The following MCTP2 variants were observed in gnomAD, a reference collection of about 807,000 sequenced individuals.
MCTP2 encodes multiple C2 and transmembrane domain-containing protein 2.
A neutral mutation model predicts 111.6 loss-of-function variants in MCTP2; 132 were observed. The ratio of observed to expected loss-of-function variants is 1.18; its 90% confidence interval spans 1.03 to 1.37. MCTP2 has a LOEUF of 1.37. MCTP2 is among the 40% of genes most tolerant of loss of function. MCTP2 has a pLI of 0.00. For missense variants in MCTP2, 1,183 were observed against 1,067.9 expected, an observed-to-expected ratio of 1.11 and a Z score of -1.50; for synonymous variants, 395 against 387.7, an observed-to-expected ratio of 1.02 and a Z score of -0.22.
At chr15:94,352,802 C>T (rs889497735) in intron 8 of MCTP2, among the ~76,000 whole-genome samples, 8 of 152,164 alleles carry the variant, frequency 5.3e-5, no homozygotes, top group Admixed American at 4.6e-4. Context: ...AAGACTTTTG[C>T]GAGCCCAGCT....
chr15:94,276,078 T>TCA (rs2074190129), intron 1 of MCTP2, among the ~76,000 whole-genome samples: 1 of 152,012 alleles, frequency 6.6e-6, no homozygotes, highest in Non-Finnish European at 1.5e-5. Context: ...TCTCCTGACC[T>TCA]TGTGATCCGC....
chr15:94,403,328 C>T, intron 17 of MCTP2: 1 of 844,732 alleles, frequency 1.2e-6, no homozygotes, highest in Non-Finnish European at 1.4e-6. Context: ...CAGCTGGTGG[C>T]TTCATGCGTT....
At chr15:94,271,945 A>G (rs904863335) in intron 1 of MCTP2, among the ~76,000 whole-genome samples, 9 of 152,240 alleles carry the variant, frequency 5.9e-5, no homozygotes, top group African/African-American at 2.2e-4. Context: ...TGTACTGGAA[A>G]TTAATACCTT....
chr15:94,291,917 G>A (rs990490455), intron 1 of MCTP2, among the ~76,000 whole-genome samples: 1 of 152,124 alleles, frequency 6.6e-6, no homozygotes, highest in African/African-American at 2.4e-5. Flanking sequence ...AGCAGTCATC[G>A]CCAATATGTA....
chr15:94,474,597 G>A (rs1345982706), intron 21 of MCTP2, among the ~76,000 whole-genome samples: 4 of 152,176 alleles, frequency 2.6e-5, no homozygotes, highest in African/African-American at 4.8e-5. Context: ...GGTGGCTCAC[G>A]CCTGTAATCC....
chr15:94,472,161 C>T (rs1596851702), intron 21 of MCTP2, among the ~76,000 whole-genome samples: 1 of 152,124 alleles, frequency 6.6e-6, no homozygotes, highest in Admixed American at 6.5e-5. Flanking sequence ...GCAGATCACC[C>T]GAGGTCAGGA....
chr15:94,396,766 A>T (rs2081304504), intron 14 of MCTP2, among the ~76,000 whole-genome samples: 1 of 152,198 alleles, frequency 6.6e-6, no homozygotes, highest in Non-Finnish European at 1.5e-5. Context: ...AGTGGAAGCA[A>T]CTAAATGTTC....
intron 1 of MCTP2, among the ~76,000 whole-genome samples, chr15:94,245,601 GACATAT>G (rs1418351740): frequency 7.1e-6 from 1 of 141,126 alleles, no homozygotes; most frequent in African/African-American, 2.6e-5. Context: ...TACGTATATA[GACATAT>G]ACATATGTAC....
chr15:94,390,868 T>A (rs2080925490), intron 14 of MCTP2, among the ~76,000 whole-genome samples: 1 of 152,074 alleles, frequency 6.6e-6, no homozygotes, highest in Admixed American at 6.6e-5. Context: ...TAACTGGGAT[T>A]ACAGGCACCC....
intron 2 of MCTP2, among the ~76,000 whole-genome samples, chr15:94,311,203 T>G (rs1394851662): frequency 6.6e-6 from 1 of 151,720 alleles, no homozygotes; most frequent in Non-Finnish European, 1.5e-5. Flanking sequence ...TTTTGTATTT[T>G]TATTAGAGAT....
chr15:94,419,658 C>A (rs964050558), intron 17 of MCTP2, among the ~76,000 whole-genome samples: 8 of 152,026 alleles, frequency 5.3e-5, no homozygotes, highest in Non-Finnish European at 1.0e-4. Context: ...TCTAAATAGC[C>A]TTTCATAGTT....
At chr15:94,244,227 T>C (rs2071499985) in intron 1 of MCTP2, among the ~76,000 whole-genome samples, 2 of 130,220 alleles carry the variant, frequency 1.5e-5, no homozygotes, top group African/African-American at 3.1e-5. Flanking sequence ...TATGTGTATA[T>C]ATTTATATAC....
At chr15:94,313,294 G>C (rs919810013) in intron 2 of MCTP2, among the ~76,000 whole-genome samples, 1 of 152,150 alleles carries the variant, frequency 6.6e-6, no homozygotes, top group Non-Finnish European at 1.5e-5. Context: ...AATCTCCTTT[G>C]TGCCTATAAA....
rs145586255 is a variant in MCTP2 at position 94,315,566 on chromosome 15, C to G, written c.566C>G (p.Pro189Arg). The G allele has an allele frequency of 3.7e-6, 6 of 1,614,018 alleles. No individual in the cohort carries two copies. In the East Asian group the frequency reaches 6.7e-5, roughly 18 times the overall value. The change falls in exon 4 of 23, where the codon CCC (proline) becomes CGC (arginine). Residue 189 changes from proline to arginine, a missense_variant. Coordinates refer to ENST00000357742, the MANE Select transcript of MCTP2 (RefSeq NM_001385001.1). The stretch of plus-strand genomic sequence containing the variant: ...GCCAGTGATGGCTTGAGTAACCTCC[C>G]CAGCCCTTTTGCGTACCTCCTCACC... ...GEASDGLSNLPSPFAYLLTIH... is the reference protein window; with the variant it reads ...GEASDGLSNLRSPFAYLLTIH...
At chr15:94,366,350 T>A (rs979733541) in intron 10 of MCTP2, among the ~76,000 whole-genome samples, 2 of 152,202 alleles carry the variant, frequency 1.3e-5, no homozygotes, top group African/African-American at 4.8e-5. Flanking sequence ...AGGAAATAAA[T>A]GCCCAGTTAA....
rs562163178 is a variant in MCTP2 at position 94,307,665 on chromosome 15, G to A, written c.466-6617G>A. On this transcript the variant is annotated intron_variant, in intron 2 of 22. Coordinates refer to ENST00000357742, the MANE Select transcript of MCTP2 (RefSeq NM_001385001.1). Reference sequence around the variant, plus strand: ...ACTCATAGGGCAGAAGGAATCGTTGGCACACGGGCAGTGCTTGCTGTGTCT... The same window carrying A: ...ACTCATAGGGCAGAAGGAATCGTTGACACACGGGCAGTGCTTGCTGTGTCT... 2.0e-5 allele frequency among the ~76,000 whole-genome samples: 3 copies of A among 152,306 alleles called. No individual in the cohort carries two copies. In the East Asian group the frequency reaches 5.8e-4, roughly 29 times the overall value.
intron 20 of MCTP2, among the ~76,000 whole-genome samples, chr15:94,468,569 AGAATT>A (rs2073618219): frequency 2.0e-5 from 3 of 152,198 alleles, no homozygotes; most frequent in African/African-American, 7.2e-5. Flanking sequence ...TATAATTTAA[AGAATT>A]GAAAAAGACA....
intron 17 of MCTP2, chr15:94,402,406 C>A: frequency 6.6e-7 from 1 of 1,516,446 alleles, no homozygotes; most frequent in East Asian, 2.5e-5. Flanking sequence ...AAATTATTCC[C>A]AAACTTTGAT....
chr15:94,381,109 A>C (rs534291019), intron 12 of MCTP2, among the ~76,000 whole-genome samples: 1 of 152,344 alleles, frequency 6.6e-6, no homozygotes, highest in Non-Finnish European at 1.5e-5. Flanking sequence ...TATGTATGTC[A>C]GTCTCCCTTG....
Sources: allele counts gnomAD v4.1 joint callset (sites outside exome capture counted in the v4.1 genomes callset), GRCh38; gene constraint gnomAD v4.1.1; transcripts MANE v1.5; gene names NCBI Gene and HGNC (gene_info 2026-07-23, HGNC 2026-07-21).